Variants in PCDH15 observed in about 807,000 individuals in gnomAD.
PCDH15 encodes the protein protocadherin-15.
A neutral mutation model predicts 178.5 loss-of-function variants in PCDH15; 129 were observed. The observed-to-expected ratio is 0.72, with a 90% confidence interval of 0.63 to 0.84. PCDH15 has a LOEUF of 0.84. Ranked by LOEUF, PCDH15 falls within the 40% of genes least tolerant of loss-of-function variation. PCDH15 has a pLI of 0.00. For synonymous variants in PCDH15, 800 were observed against 732.0 expected (o/e 1.09, Z -1.50); for missense variants, 2,230 against 2,099.9 (o/e 1.06, Z -1.21).
chr10:55,222,730 C>CATATAT (rs142618720), intron 1 of PCDH15, among the ~76,000 whole-genome samples: 80 of 120,790 alleles, frequency 6.6e-4, no homozygotes, highest in East Asian at 1.9e-3. Flanking sequence ...CACACACACA[C>CATATAT]ATATATATAT....
At chr10:54,008,600 A>G (rs1010455266) in intron 20 of PCDH15, among the ~76,000 whole-genome samples, 2 of 152,176 alleles carry the variant, frequency 1.3e-5, no homozygotes, top group African/African-American at 4.8e-5. Context: ...GTCAGAATCT[A>G]TGAGTGTTTA....
intron 26 of PCDH15, among the ~76,000 whole-genome samples, chr10:53,886,673 G>A (rs2081124401): frequency 7.6e-6 from 1 of 131,902 alleles, no homozygotes; most frequent in African/African-American, 3.0e-5. Context: ...CTCTGAACCA[G>A]AATATTGAGC....
chr10:54,912,500 T>G (rs1252650248), intron 2 of PCDH15, among the ~76,000 whole-genome samples: 1 of 152,130 alleles, frequency 6.6e-6, no homozygotes. Context: ...CCTTCCACCA[T>G]GATTGTAAGT....
intron 2 of PCDH15, among the ~76,000 whole-genome samples, chr10:55,480,313 C>A (rs1170720682): frequency 2.6e-5 from 4 of 151,576 alleles, no homozygotes; most frequent in African/African-American, 7.3e-5. Flanking sequence ...TATTTGAATG[C>A]CTTTTATTTC....
intron 14 of PCDH15, among the ~76,000 whole-genome samples, chr10:54,135,360 TAATC>T (rs991479822): frequency 6.6e-6 from 1 of 151,610 alleles, no homozygotes; most frequent in Admixed American, 6.5e-5. Context: ...CCAATACAGT[TAATC>T]AGATTATATT....
chr10:54,277,847 A>T (rs116058513), intron 8 of PCDH15, among the ~76,000 whole-genome samples: 1,567 of 151,536 alleles, frequency 0.01, 27 homozygotes, highest in African/African-American at 0.035. Flanking sequence ...GGGTGAGAGG[A>T]GTATAGAGGA....
At chr10:53,976,358 AG>A (rs1284234329) in intron 21 of PCDH15, among the ~76,000 whole-genome samples, 2 of 152,136 alleles carry the variant, frequency 1.3e-5, no homozygotes, top group Non-Finnish European at 2.9e-5. Context: ...AAAATGAAAA[AG>A]CTCACAAGGA....
chr10:54,379,582 T>C (rs1441508260), intron 3 of PCDH15, among the ~76,000 whole-genome samples: 1 of 136,136 alleles, frequency 7.3e-6, no homozygotes, highest in Non-Finnish European at 1.6e-5. Flanking sequence ...TTTCTTATTA[T>C]TTTTTTTCAG....
chr10:54,885,264 G>A (rs913558185), intron 3 of PCDH15, among the ~76,000 whole-genome samples: 2 of 152,024 alleles, frequency 1.3e-5, no homozygotes, highest in East Asian at 3.8e-4. Context: ...GCTTCAAGAA[G>A]GGGGAAGGGA....
At chr10:53,857,624 A>G (rs2133044468) in intron 27 of PCDH15, among the ~76,000 whole-genome samples, 2 of 152,144 alleles carry the variant, frequency 1.3e-5, no homozygotes, top group East Asian at 3.9e-4. Context: ...AATACGTTTT[A>G]TATTTTACAA....
At chr10:53,921,347 C>A (rs928298900) in intron 25 of PCDH15, among the ~76,000 whole-genome samples, 1 of 152,020 alleles carries the variant, frequency 6.6e-6, no homozygotes. Flanking sequence ...CTACACCAAC[C>A]TTACCAAGCA....
chr10:54,353,743 G>GTTAAAAATCTTGATTTCA (rs1237646491), intron 5 of PCDH15, among the ~76,000 whole-genome samples: 8 of 151,880 alleles, frequency 5.3e-5, no homozygotes, highest in African/African-American at 1.7e-4. Flanking sequence ...TCATACCTGT[G>GTTAAAAATCTTGATTTCA]TTAAAAATCT....
chr10:54,282,808 A>C (rs2132762030), intron 8 of PCDH15, among the ~76,000 whole-genome samples: 1 of 152,224 alleles, frequency 6.6e-6, no homozygotes, highest in Non-Finnish European at 1.5e-5. Context: ...GAATAAAAGT[A>C]TTGCTAGGAT....
chr10:54,752,635 A>G (rs1333794260), intron 1 of PCDH15, among the ~76,000 whole-genome samples: 3 of 151,934 alleles, frequency 2.0e-5, no homozygotes, highest in Non-Finnish European at 4.4e-5. Context: ...CAGTGACTCT[A>G]TTACATTCTT....
At chr10:54,716,688 G>C (rs2095483540) in intron 1 of PCDH15, among the ~76,000 whole-genome samples, 1 of 151,858 alleles carries the variant, frequency 6.6e-6, no homozygotes, top group Non-Finnish European at 1.5e-5. Flanking sequence ...TACCACCCAA[G>C]GTAAATCATA....
chr10:54,088,472 A>T (rs1226403520), intron 16 of PCDH15, among the ~76,000 whole-genome samples: 2 of 152,136 alleles, frequency 1.3e-5, no homozygotes, highest in African/African-American at 4.8e-5. Context: ...CATATACATT[A>T]TTTTAAAATA....
In PCDH15 at chr10:54,557,277, G is replaced by A. The variant is rs7908308; in HGVS notation, c.92-29400C>T. 9.3e-3 allele frequency among the ~76,000 whole-genome samples: 1,412 copies of A among 152,210 alleles called. 22 individuals are homozygous for A. Among genetic ancestry groups the A allele is most frequent in the African/African-American group, 0.031 (1,288 of 41,510 alleles). On this transcript the variant is annotated intron_variant, in intron 2 of 37. Transcript: ENST00000644397. ...GATAAGTCTTTGGGTAGATTCTAAA[G>A]ACCAGTGTTAGGTTTGCAAAACAAA...
chr10:55,552,007 A>T (rs183923684), intron 2 of PCDH15, among the ~76,000 whole-genome samples: 52 of 151,846 alleles, frequency 3.4e-4, no homozygotes, highest in African/African-American at 1.2e-3. Flanking sequence ...AACTCTCGCT[A>T]AAAAGACAAG....
At chr10:55,458,228 T>A (rs1839596748) in intron 2 of PCDH15, among the ~76,000 whole-genome samples, 1 of 152,004 alleles carries the variant, frequency 6.6e-6, no homozygotes, top group African/African-American at 2.4e-5. Flanking sequence ...ATATTGACAT[T>A]GATTTGTGAA....
Sources: allele counts gnomAD v4.1 joint callset (sites outside exome capture counted in the v4.1 genomes callset), GRCh38; gene constraint gnomAD v4.1.1; transcripts MANE v1.5; gene names NCBI Gene and HGNC (gene_info 2026-07-23, HGNC 2026-07-21).